Variants in DNMBP observed in about 807,000 individuals in gnomAD.
DNMBP encodes the protein dynamin binding protein, also known as dynamin-binding protein.
In DNMBP, 87 loss-of-function variants were observed where a neutral mutation model predicts 150.0. The ratio of observed to expected loss-of-function variants is 0.58; its 90% CI spans 0.49 to 0.69. The LOEUF (loss-of-function observed/expected upper bound fraction) is 0.69. Ranked by LOEUF, DNMBP falls within the 30% of genes least tolerant of loss-of-function variation. The probability of loss-of-function intolerance (pLI) is 0.00; values close to 1 mark genes in which losing one functional copy is unlikely to be tolerated. For synonymous variants in DNMBP, 711 were observed against 750.4 expected (o/e 0.95, Z 0.86); for missense variants, 1,774 against 1,949.0 (o/e 0.91, Z 1.69).
chr10:99,919,419 T>G (rs1334524621), intron 4 of DNMBP, among the ~76,000 whole-genome samples: 2 of 152,258 alleles, frequency 1.3e-5, no homozygotes, highest in African/African-American at 4.8e-5. Context: ...CCACTTGCTC[T>G]CATAACATTT....
At chr10:99,883,848 A>G (rs1173144035) in intron 15 of DNMBP, among the ~76,000 whole-genome samples, 163 bp downstream of exon 15, 5 of 152,042 alleles carry the variant, frequency 3.3e-5, no homozygotes, top group African/African-American at 1.2e-4. Context: ...TTCAGTAATG[A>G]TCTTCACTCT....
At chr10:99,948,381 C>G (rs1033234768) in intron 4 of DNMBP, among the ~76,000 whole-genome samples, 3 of 152,192 alleles carry the variant, frequency 2.0e-5, no homozygotes, top group African/African-American at 7.2e-5. Flanking sequence ...CAACTTCTTA[C>G]TCCTGAATCT....
chr10:99,945,396 G>A (rs1000188027), intron 4 of DNMBP, among the ~76,000 whole-genome samples: 2 of 152,204 alleles, frequency 1.3e-5, no homozygotes, highest in African/African-American at 4.8e-5. Context: ...AGGAGGGCCA[G>A]GGTCTAATCA....
In DNMBP at chr10:99,896,375, A is replaced by C. The variant is rs1444897424; in HGVS notation, c.2943T>G (p.Asp981Glu). The C allele has an allele frequency of 1.9e-6, 3 of 1,614,180 alleles. No homozygotes were observed. The highest frequency in any genetic ancestry group is 2.5e-6 in the Non-Finnish European group (3 of 1,180,016). The change falls in exon 10 of 17, where the codon GAT becomes GAG. Residue 981 changes from aspartate to glutamate, a missense_variant. Physicochemically the swap from Asp to Glu is conservative, Grantham distance 45. Transcript: ENST00000324109. ...KDLVLKYRKG[D>E]EDSLMEKISK... is the part of the protein sequence containing the mutation. ...AAATTTTCTCCATAAGGCTATCTTC[A>C]TCACCCTTACGGTACTTGAGGACTA...
rs569030993 is a variant in DNMBP, at chr10:99,914,894, C to A, written c.2261-5748G>T. On this transcript the variant is annotated intron_variant, in intron 4 of 16. Transcript: ENST00000324109. ...ATCACCTGAGGTCAGGAGTTTAAGA[C>A]CAGCCTGGTCAACATGGTGAAACCC... Among the ~76,000 whole-genome samples, 3 of 151,638 alleles carry A rather than the reference C, an allele frequency of 2.0e-5. 1 individual carries two copies. The South Asian group carries it at 6.2e-4, about 32-fold the overall frequency.
At position 99,892,110 on chromosome 10, in the gene DNMBP, G is replaced by A. The variant is rs527828803; in HGVS notation, c.3156+2836C>T. On this transcript the variant is annotated intron_variant, in intron 11 of 16. Transcript: ENST00000324109. ...AGGTGAGGGGCGCCTCTGCCCGGCC[G>A]CCCCTACTGGGACGTGAAGAGCCCC... is the stretch of plus-strand genomic sequence containing the variant. Among the ~76,000 whole-genome samples, 382 of 136,110 alleles carry A rather than the reference G, an allele frequency of 2.8e-3. 17 individuals carry two copies. The highest frequency in any genetic ancestry group is 3.4e-3 in the Non-Finnish European group (224 of 65,064). 89.3% of individuals were successfully genotyped at this position (136,110 alleles called of 152,430 possible).
chr10:99,969,467 A>G (rs1343973894), intron 2 of DNMBP, among the ~76,000 whole-genome samples: 1 of 152,238 alleles, frequency 6.6e-6, no homozygotes, highest in African/African-American at 2.4e-5. Context: ...GGGGGCTGCT[A>G]TAGGCAAAGC....
At chr10:99,929,901 A>C in intron 4 of DNMBP, 1 of 702,978 alleles carries the variant, frequency 1.4e-6, no homozygotes, top group South Asian at 1.5e-5. Context: ...CATTTGATGG[A>C]GAGAATCTGT....
At chr10:99,934,577 T>C (rs1401549056) in intron 4 of DNMBP, among the ~76,000 whole-genome samples, 1 of 135,098 alleles carries the variant, frequency 7.4e-6, no homozygotes, top group Non-Finnish European at 1.6e-5. Context: ...ATTTTTTATA[T>C]ATTTTGGGTA....
intron 4 of DNMBP, among the ~76,000 whole-genome samples, chr10:99,946,191 C>T (rs1029949149): frequency 6.6e-6 from 1 of 152,228 alleles, no homozygotes; most frequent in African/African-American, 2.4e-5. Flanking sequence ...TTCCTGACCT[C>T]AAGTCATCCA....
At chr10:99,919,002 C>T (rs1395065905) in intron 4 of DNMBP, among the ~76,000 whole-genome samples, 1 of 152,110 alleles carries the variant, frequency 6.6e-6, no homozygotes, top group Non-Finnish European at 1.5e-5. Context: ...ATTTTTATGT[C>T]AGTCAATAAA....
chr10:99,900,608 G>A (rs899744329), intron 6 of DNMBP, among the ~76,000 whole-genome samples: 1 of 150,924 alleles, frequency 6.6e-6, no homozygotes, highest in Admixed American at 6.6e-5. Flanking sequence ...GATGTAATGA[G>A]AACCCCATAA....
At chr10:99,885,175 A>C (rs189236105) in intron 14 of DNMBP, among the ~76,000 whole-genome samples, 1 of 152,166 alleles carries the variant, frequency 6.6e-6, no homozygotes, top group Admixed American at 6.5e-5. Context: ...AGTTTCCTGA[A>C]TTAATGAACC....
intron 4 of DNMBP, among the ~76,000 whole-genome samples, chr10:99,920,175 A>G (rs1021865236): frequency 1.3e-5 from 2 of 151,802 alleles, no homozygotes; most frequent in African/African-American, 4.8e-5. Flanking sequence ...TCCTGGGTTC[A>G]AGCAATTCTC....
chr10:99,978,834 C>T (rs2040755212), intron 1 of DNMBP, among the ~76,000 whole-genome samples: 1 of 152,160 alleles, frequency 6.6e-6, no homozygotes, highest in East Asian at 1.9e-4. Flanking sequence ...CTCGGCCTCC[C>T]AAATTGCTGG....
intron 14 of DNMBP, among the ~76,000 whole-genome samples, chr10:99,885,427 C>T (rs1274047871): frequency 6.6e-6 from 1 of 152,104 alleles, no homozygotes; most frequent in African/African-American, 2.4e-5. Flanking sequence ...GGAGAATTCA[C>T]TTGAACCCAG....
intron 1 of DNMBP, among the ~76,000 whole-genome samples, chr10:99,979,122 C>T (rs572820663): frequency 1.3e-5 from 2 of 152,172 alleles, no homozygotes; most frequent in African/African-American, 2.4e-5. Flanking sequence ...ATGGCATCAA[C>T]CAAAGCCCTA....
intron 4 of DNMBP, among the ~76,000 whole-genome samples, chr10:99,926,428 T>C (rs2040079179): frequency 6.6e-6 from 1 of 152,020 alleles, no homozygotes; most frequent in African/African-American, 2.4e-5. Flanking sequence ...TTTTAAAAAA[T>C]AACTATATGC....
intron 4 of DNMBP, among the ~76,000 whole-genome samples, chr10:99,915,360 T>G (rs2039954073): frequency 6.7e-6 from 1 of 149,704 alleles, no homozygotes; most frequent in African/African-American, 2.5e-5. Context: ...CAATGGGGAC[T>G]CAAACTTAAC....
Sources: gnomAD v4.1 joint callset for allele counts (sites outside exome capture counted in the v4.1 genomes callset) on GRCh38, gnomAD v4.1.1 for gene constraint, MANE v1.5 for transcripts, NCBI Gene and HGNC (gene_info 2026-07-23, HGNC 2026-07-21) for gene names.